Variants in LCP2 observed in about 807,000 individuals in gnomAD.
LCP2 encodes the protein lymphocyte cytosolic protein 2, also known as 76 kDa tyrosine phosphoprotein.
In LCP2, 29 loss-of-function variants were observed where a neutral mutation model predicts 74.5. That is an observed-to-expected ratio of 0.39 (90% CI 0.29 to 0.53). The LOEUF is 0.53. Among genes scored for constraint, LCP2 ranks in the 20% least tolerant of loss-of-function variants. LCP2 has a pLI of 0.72. For missense variants in LCP2, 604 were observed against 634.6 expected, an observed-to-expected ratio of 0.95 and a Z score of 0.52; for synonymous variants, 228 against 229.5, an observed-to-expected ratio of 0.99 and a Z score of 0.06.
intron 3 of LCP2, among the ~76,000 whole-genome samples, chr5:170,286,936 C>T (rs548454225): frequency 6.6e-6 from 1 of 152,122 alleles, no homozygotes; most frequent in Admixed American, 6.5e-5. Context: ...CTATATGTAG[C>T]CCTTAGGTGT....
chr5:170,258,074 G>T lies in LCP2; in HGVS notation c.1063C>A (p.Leu355Ile), dbSNP rs1406650956. Reference sequence around the variant, plus strand: ...GCTCCAGGCATGTGAGAGGATGGGAGAGGGTTCATGGGACTTGGCTTAGTA... The same window carrying T: ...GCTCCAGGCATGTGAGAGGATGGGATAGGGTTCATGGGACTTGGCTTAGTA... ...RSTKPSPMNP[L>I]PSSHMPGAFS... The change falls in exon 16 of 21, where the codon CTC becomes ATC. Residue 355 changes from leucine to isoleucine, a missense_variant. Physicochemically the swap from Leu to Ile is conservative, Grantham distance 5 (BLOSUM62 2). Transcript: ENST00000046794. The T allele has an allele frequency of 6.2e-7, 1 of 1,613,840 alleles. No homozygotes were observed. Among genetic ancestry groups the T allele is most frequent in the Non-Finnish European group, 8.5e-7 (1 of 1,179,814 alleles).
At chr5:170,261,022 C>T in intron 14 of LCP2, 85 bp downstream of exon 14, 1 of 1,027,678 alleles carries the variant, frequency 9.7e-7, no homozygotes, top group Non-Finnish European at 1.5e-6. Context: ...GGGCCAAGGC[C>T]AAGGTGGATG....
At chr5:170,275,240 C>G in intron 5 of LCP2, 80 bp downstream of exon 5, 8 of 1,470,252 alleles carry the variant, frequency 5.4e-6, no homozygotes, top group Non-Finnish European at 7.6e-6. Context: ...ACTCAAGGAG[C>G]CCCAGGAACC....
At chr5:170,294,589 C>G (rs1187544491) in intron 1 of LCP2, among the ~76,000 whole-genome samples, 1 of 152,120 alleles carries the variant, frequency 6.6e-6, no homozygotes, top group African/African-American at 2.4e-5. Context: ...ACATTTTAAG[C>G]CATATTTTTA....
rs1761343048 is a variant in LCP2 at position 170,248,191 on chromosome 5, A to G, written c.*506T>C. ...CAGGAAAAAATACTAAATAAGAGTG[A>G]AATTATATTTTTGAAGCCTCTTAAA... is the stretch of plus-strand genomic sequence containing the variant. On this transcript the variant is annotated 3_prime_UTR_variant, in exon 21 of 21. Transcript: ENST00000046794. The G allele has an allele frequency of 6.5e-6, 1 of 152,694 alleles. No individual in the cohort carries two copies. The highest frequency in any genetic ancestry group is 1.5e-5 in the Non-Finnish European group (1 of 68,066). 9.5% of individuals were successfully genotyped at this position (152,694 alleles called of 1,614,324 possible).
intron 3 of LCP2, among the ~76,000 whole-genome samples, chr5:170,276,694 T>C (rs943034913): frequency 1.3e-5 from 2 of 152,072 alleles, no homozygotes; most frequent in Admixed American, 1.3e-4. Context: ...CTCTCAGATA[T>C]CCAGAACTCG....
intron 19 of LCP2, chr5:170,251,108 G>GTATCAAAGTAATTTGATACAAAGTAA (rs1761428759): frequency 4.4e-6 from 2 of 452,716 alleles, no homozygotes; most frequent in Admixed American, 3.9e-5. Flanking sequence ...AACAGAGATT[G>GTATCAAAGTAATTTGATACAAAGTAA]TATCAAAGAA....
intron 19 of LCP2, chr5:170,252,028 C>A: frequency 5.0e-6 from 1 of 200,212 alleles, no homozygotes; most frequent in Non-Finnish European, 1.1e-5. Flanking sequence ...CAAAAAGTTG[C>A]TGCCATCTCT....
At chr5:170,290,952 A>AAAG (rs1762278231) in intron 2 of LCP2, among the ~76,000 whole-genome samples, 1 of 117,036 alleles carries the variant, frequency 8.5e-6, no homozygotes, top group East Asian at 2.5e-4. Context: ...AGAAAGAAAG[A>AAAG]AAAGAAAGAA....
intron 2 of LCP2, among the ~76,000 whole-genome samples, chr5:170,288,718 A>T (rs1440528761): frequency 6.6e-6 from 1 of 152,130 alleles, no homozygotes; most frequent in Non-Finnish European, 1.5e-5. Flanking sequence ...TATCAAGGGG[A>T]TTTCCACTTG....
In LCP2 at chr5:170,297,534, C is replaced by G. The variant is rs369535615; in HGVS notation, c.78G>C (p.Lys26Asn). 1 of 1,612,470 alleles carries G rather than the reference C, an allele frequency of 6.2e-7. No individual in the cohort carries two copies. The highest frequency in any genetic ancestry group is 1.7e-5 in the Admixed American group (1 of 59,860). ...DPDSLADYFK[K>N]LNYKDCEKAV... ...CCATTCACACAAGAGCAAGGCTTAC[C>G]TTCTTGAAATAGTCAGCAAGGCTGT... The change falls in exon 1 of 21, where the codon AAG becomes AAC. Residue 26 changes from lysine to asparagine, a missense_variant and splice_region_variant. By Grantham distance (94) the Lys-to-Asn change is moderately conservative. Transcript: ENST00000046794.
intron 4 of LCP2, 51 bp downstream of exon 4, chr5:170,275,744 T>C: frequency 6.9e-7 from 1 of 1,455,906 alleles, no homozygotes; most frequent in African/African-American, 1.4e-5. Context: ...CCTTTTAAGG[T>C]TCAACTCGGG....
chr5:170,285,643 G>A (rs928252001), intron 3 of LCP2, among the ~76,000 whole-genome samples: 18 of 152,132 alleles, frequency 1.2e-4, no homozygotes, highest in African/African-American at 3.4e-4. Flanking sequence ...GCACTCTACC[G>A]AATGACTATG....
intron 10 of LCP2, among the ~76,000 whole-genome samples, chr5:170,263,916 T>C (rs1340628817): frequency 1.3e-5 from 2 of 152,212 alleles, no homozygotes; most frequent in Admixed American, 1.3e-4. Flanking sequence ...TGAAAGTTGG[T>C]CATACAAATT....
rs1761606761 is a variant in LCP2, at chr5:170,258,875, C to T, written c.961G>A (p.Glu321Lys). 1.3e-6 allele frequency: 2 copies of T among 1,583,578 alleles called. No individual in the cohort carries two copies. The highest frequency in any genetic ancestry group is 8.6e-7 in the Non-Finnish European group (1 of 1,159,160). Residue 321 changes from glutamate (E) to lysine (K), a missense_variant, in exon 15 of 21, where the codon GAA becomes AAA. Physicochemically the swap from Glu to Lys is moderately conservative, Grantham distance 56. Transcript: ENST00000046794. Reference sequence around the variant, plus strand: ...GTGTTTCCGAACATACCATCATCTTCATCCTGGGAAGGGGAAGAAAAAAAA... The same window carrying T: ...GTGTTTCCGAACATACCATCATCTTTATCCTGGGAAGGGGAAGAAAAAAAA... ...GWGPDRRENDEDDVHQRPLPQ... is the reference protein window; with the variant it reads ...GWGPDRRENDKDDVHQRPLPQ...
chr5:170,289,311 A>G (rs562572758), intron 2 of LCP2, among the ~76,000 whole-genome samples: 1 of 152,278 alleles, frequency 6.6e-6, no homozygotes, highest in East Asian at 1.9e-4. Context: ...GGTGAGTCTT[A>G]GAGTTTAGTG....
intron 16 of LCP2, 47 bp downstream of exon 16, chr5:170,257,990 G>T (rs754069026): frequency 1.3e-6 from 2 of 1,594,180 alleles, no homozygotes; most frequent in Non-Finnish European, 1.7e-6. Flanking sequence ...GTACTGGATG[G>T]ACCTAAACAT....
intron 3 of LCP2, among the ~76,000 whole-genome samples, chr5:170,282,121 G>A (rs1418376339): frequency 6.6e-6 from 1 of 152,176 alleles, no homozygotes; most frequent in South Asian, 2.1e-4. Context: ...TCCTGAGAGA[G>A]TGACTGCATT....
chr5:170,275,533 C>T, intron 4 of LCP2, 182 bp from the exon 5 acceptor site: 2 of 693,518 alleles, frequency 2.9e-6, no homozygotes, highest in Non-Finnish European at 4.9e-6. Context: ...CTGGAAATCA[C>T]CAAGCCACAT....
Sources: allele counts gnomAD v4.1 joint callset (sites outside exome capture counted in the v4.1 genomes callset), GRCh38; gene constraint gnomAD v4.1.1; transcripts MANE v1.5; gene names NCBI Gene and HGNC (gene_info 2026-07-23, HGNC 2026-07-21).